The following RINT1 variants were observed in gnomAD, a reference collection of about 807,000 sequenced individuals.
RINT1 encodes the protein RAD50 interactor 1, also known as RAD50-interacting protein 1.
A neutral mutation model predicts 97.7 loss-of-function variants in RINT1; 75 were observed. That is an observed-to-expected ratio of 0.77 (90% CI 0.64 to 0.93). RINT1 has a LOEUF of 0.93. Among genes scored for constraint, RINT1 ranks in the 40% least tolerant of loss-of-function variants. The pLI is 0.00. For missense variants in RINT1, 892 were observed against 925.2 expected (o/e 0.96, Z 0.47); for synonymous variants, 303 against 326.3 (o/e 0.93, Z 0.77).
intron 11 of RINT1, 71 bp downstream of exon 11, chr7:105,555,298 G>A: frequency 1.5e-6 from 2 of 1,304,768 alleles, no homozygotes; most frequent in Non-Finnish European, 1.1e-6. Flanking sequence ...TTTTCAAAAT[G>A]TTGAATCTAT....
intron 3 of RINT1, among the ~76,000 whole-genome samples, chr7:105,538,999 G>A (rs149434426): frequency 6.6e-6 from 1 of 152,094 alleles, no homozygotes; most frequent in South Asian, 2.1e-4. Context: ...CTTTTAGCAG[G>A]TATTAGTTCT....
intron 6 of RINT1, among the ~76,000 whole-genome samples, chr7:105,548,190 G>T (rs538497819): frequency 6.6e-6 from 1 of 151,998 alleles, no homozygotes; most frequent in Admixed American, 6.6e-5. Context: ...ACCATGCCCC[G>T]CTAATTTTTG....
chr7:105,561,613 G>A (rs995709061), intron 11 of RINT1, among the ~76,000 whole-genome samples: 4 of 152,136 alleles, frequency 2.6e-5, no homozygotes, highest in East Asian at 1.9e-4. Flanking sequence ...CCAGGCTAGG[G>A]TGCAGTGGCA....
chr7:105,536,849 G>A (rs1222196678), intron 3 of RINT1, 100 bp downstream of exon 3: 17 of 629,904 alleles, frequency 2.7e-5, no homozygotes, highest in South Asian at 8.8e-5. Flanking sequence ...GATATAGAAC[G>A]TGACAAATAG....
chr7:105,553,887 ATTTTTTTTT>A (rs776924728), intron 10 of RINT1, among the ~76,000 whole-genome samples: 123 of 71,136 alleles, frequency 1.7e-3, no homozygotes, highest in Non-Finnish European at 2.8e-3. Flanking sequence ...TACCCAGCTA[ATTTTTTTTT>A]TTTTTTTTTT....
intron 3 of RINT1, 142 bp from the exon 4 acceptor site, chr7:105,542,257 CCCAGGAAGT>C (rs1038557433): frequency 6.5e-6 from 4 of 611,650 alleles, no homozygotes; most frequent in African/African-American, 5.6e-5. Context: ...ATTGGTTGAG[CCCAGGAAGT>C]CCAGGCTGCA....
chr7:105,535,230 T>A (rs765653335), intron 2 of RINT1, among the ~76,000 whole-genome samples: 1 of 90,220 alleles, frequency 1.1e-5, no homozygotes, highest in Non-Finnish European at 2.4e-5. Flanking sequence ...CTTAAAAACC[T>A]TTTTTTTTTT....
chr7:105,537,712 T>C, intron 3 of RINT1, among the ~76,000 whole-genome samples: 1 of 151,502 alleles, frequency 6.6e-6, no homozygotes, highest in East Asian at 2.0e-4. Context: ...GGCGGGCACC[T>C]GTAATCCCAG....
intron 2 of RINT1, 34 bp downstream of exon 2, chr7:105,532,903 C>G (rs1790090535): frequency 1.9e-6 from 3 of 1,607,654 alleles, no homozygotes; most frequent in Non-Finnish European, 2.6e-6. Context: ...GCTTTTTCTT[C>G]CCGCCCAAAC....
At chr7:105,554,187 T>C (rs868522139) in intron 10 of RINT1, among the ~76,000 whole-genome samples, 3 of 147,090 alleles carry the variant, frequency 2.0e-5, no homozygotes, top group South Asian at 2.2e-4. Context: ...CGTGAGCCAC[T>C]GTGCCCGGCG....
chr7:105,565,082 T>A, intron 12 of RINT1, 195 bp from the exon 13 acceptor site: 1 of 438,822 alleles, frequency 2.3e-6, no homozygotes, highest in Admixed American at 3.8e-5. Flanking sequence ...TATATCCCCA[T>A]ATTAAAGAGT....
intron 11 of RINT1, among the ~76,000 whole-genome samples, chr7:105,563,378 TGAGATG>T (rs1791526694): frequency 6.6e-6 from 1 of 152,238 alleles, no homozygotes; most frequent in Non-Finnish European, 1.5e-5. Flanking sequence ...TTATTAGTTT[TGAGATG>T]GAGTCTCACT....
chr7:105,550,065 A>G lies in RINT1; in HGVS notation c.1007A>G (p.Tyr336Cys). Residue 336 changes from tyrosine to cysteine, a missense_variant, in exon 8 of 15, where the codon TAC becomes TGC. Coordinates refer to ENST00000257700, the MANE Select transcript of RINT1 (RefSeq NM_021930.6). ...TTCCTCCTTCCTTAGCCAGAATGGT[A>G]CTTGGCTCAAGTACTTATGTGGATT... ...QTNVLSKPEW[Y>C]LAQVLMWIGN... The G allele has an allele frequency of 6.2e-7, 1 of 1,605,006 alleles. No homozygotes were observed. The highest frequency in any genetic ancestry group is 8.5e-7 in the Non-Finnish European group (1 of 1,173,816).
At chr7:105,561,472 A>C (rs934531052) in intron 11 of RINT1, among the ~76,000 whole-genome samples, 5 of 152,152 alleles carry the variant, frequency 3.3e-5, no homozygotes, top group African/African-American at 1.2e-4. Context: ...GATTGCAGTA[A>C]GCCGAGATTG....
chr7:105,555,196 C>G lies in RINT1; in HGVS notation c.1640C>G (p.Ser547Ter). Residue 547 changes from serine (S) to a stop codon, truncating the protein, a stop_gained, in exon 11 of 15, where the codon TCA (serine) becomes TGA (stop). Coordinates refer to ENST00000257700, the MANE Select transcript of RINT1 (RefSeq NM_021930.6). LOFTEE classifies it high-confidence loss of function. ...ATTCTTAATGCTGTGAACTACATCT[C>G]AACAGTACTAGCAGATTGGGCTGAC... is the stretch of plus-strand genomic sequence containing the variant. ...CAILNAVNYI[S>*]TVLADWADNV... 1 of 1,613,996 alleles carries G rather than the reference C, an allele frequency of 6.2e-7. No individual in the cohort carries two copies. The highest frequency in any genetic ancestry group is 8.5e-7 in the Non-Finnish European group (1 of 1,179,976).
rs574463685 is a variant in RINT1, at chr7:105,564,822, G to A, written c.1887-455G>A. 2.6e-5 allele frequency among the ~76,000 whole-genome samples: 4 copies of A among 152,216 alleles called. No individual in the cohort carries two copies. In the South Asian group the frequency reaches 6.2e-4, roughly 24 times the overall value. On this transcript the variant is annotated intron_variant, in intron 12 of 14. Transcript: ENST00000257700. Reference sequence around the variant, plus strand: ...TCGAAACTAGCCTGGCCAACATGGCGAAACCCTGTCTCTACTAAAAAATTC... The same window carrying A: ...TCGAAACTAGCCTGGCCAACATGGCAAAACCCTGTCTCTACTAAAAAATTC...
rs1790697157 is a variant in RINT1, at chr7:105,547,053, G to A, written c.659G>A (p.Trp220Ter). 6.2e-7 allele frequency: 1 copy of A among 1,613,542 alleles called. No individual in the cohort carries two copies. The highest frequency in any genetic ancestry group is 1.7e-5 in the Admixed American group (1 of 59,898). ...TTCATGAGAGCCACAGTTAAATTCT[G>A]GCATAAAATTCTCAAGGACAAGCTT... ...LGFMRATVKFWHKILKDKLTS... is the reference protein window; with the variant it reads ...LGFMRATVKF The change falls in exon 5 of 15, where the codon TGG becomes TAG. Residue 220 changes from tryptophan (W) to a stop codon, truncating the protein, a stop_gained. Transcript: ENST00000257700. LOFTEE classifies it high-confidence loss of function.
Position 105,547,252 on chromosome 7 carries a change from G to A in RINT1, c.758G>A (p.Gly253Asp). ...FIAPPQSQTVGLSRPASAPEI... is the reference protein window; with the variant it reads ...FIAPPQSQTVDLSRPASAPEI... ...GCACCCCCTCAATCACAAACTGTTG[G>A]CTTAAGTCGACCTGCCAGTGCCCCG... is the stretch of plus-strand genomic sequence containing the variant. Residue 253 changes from glycine to aspartate, a missense_variant, in exon 6 of 15, where the codon GGC (glycine) becomes GAC (aspartate). Physicochemically the swap from Gly to Asp is moderately conservative, Grantham distance 94. Coordinates refer to ENST00000257700, the MANE Select transcript of RINT1 (RefSeq NM_021930.6). 6.2e-7 allele frequency: 1 copy of A among 1,614,148 alleles called. No homozygotes were observed. Among genetic ancestry groups the A allele is most frequent in the South Asian group, 1.1e-5 (1 of 91,082 alleles).
At position 105,550,116 on chromosome 7, in the gene RINT1, A is replaced by G. The variant is rs1562849843; in HGVS notation, c.1058A>G (p.Glu353Gly). 1 of 1,613,868 alleles carries G rather than the reference A, an allele frequency of 6.2e-7. No homozygotes were observed. Among genetic ancestry groups the G allele is most frequent in the Non-Finnish European group, 8.5e-7 (1 of 1,179,890 alleles). Residue 353 changes from glutamate (E) to glycine (G), a missense_variant, in exon 8 of 15, where the codon GAG (glutamate) becomes GGG (glycine). By Grantham distance (98) the Glu-to-Gly change is moderately conservative. Coordinates refer to ENST00000257700, the MANE Select transcript of RINT1 (RefSeq NM_021930.6). The stretch of plus-strand genomic sequence containing the variant: ...GGAAACCATACTGAATTTCTGGATG[A>G]GAAGATTCAGCCAATATTAGACAAA... ...WIGNHTEFLD[E>G]KIQPILDKVG...
Sources: allele counts gnomAD v4.1 joint callset (sites outside exome capture counted in the v4.1 genomes callset), GRCh38; gene constraint gnomAD v4.1.1; transcripts MANE v1.5; gene names NCBI Gene and HGNC (gene_info 2026-07-23, HGNC 2026-07-21).